TNRC6A: variants seen among roughly 807,000 people sequenced by gnomAD.
The protein encoded by TNRC6A is trinucleotide repeat containing adaptor 6A, also known as trinucleotide repeat-containing gene 6A protein.
A neutral mutation model predicts 221.2 loss-of-function variants in TNRC6A; 44 were observed. The observed-to-expected ratio is 0.20, with a 90% CI of 0.16 to 0.26. The LOEUF is 0.26. Ranked by LOEUF, TNRC6A falls within the 10% of genes least tolerant of loss-of-function variation. The probability of loss-of-function intolerance (pLI) is 1.00; values close to 1 mark genes in which losing one functional copy is unlikely to be tolerated. For synonymous variants in TNRC6A, 847 were observed against 838.5 expected (o/e 1.01, Z -0.18); for missense variants, 2,199 against 2,404.4 (o/e 0.91, Z 1.79).
Position 24,700,732 on chromosome 16 carries a change from C to T in TNRC6A, n.403-49994C>T, listed in dbSNP as rs185609068. Among the ~76,000 whole-genome samples the T allele has an allele frequency of 1.7e-3, 261 of 152,274 alleles. 2 individuals are homozygous for T. In the Middle Eastern group the frequency reaches 0.027, roughly 16 times the overall value. ...TCTGGCTGTCTTAGCCAGTGAGATG[C>T]TGTCCTTAGGCAATAGCCTACCTAT... On this transcript the variant is annotated intron_variant and non_coding_transcript_variant, in intron 2 of 2. Transcript: ENST00000566108.
At chr16:24,679,530 G>T (rs974094467) in intron 2 of TNRC6A, among the ~76,000 whole-genome samples, 1 of 151,694 alleles carries the variant, frequency 6.6e-6, no homozygotes, top group Non-Finnish European at 1.5e-5. Context: ...AGGCTGGAGT[G>T]CAGTGGTGTG....
chr16:24,624,931 T>C (rs1341782386), intron 1 of TNRC6A, among the ~76,000 whole-genome samples: 1 of 152,202 alleles, frequency 6.6e-6, no homozygotes, highest in Non-Finnish European at 1.5e-5. Flanking sequence ...AAACTGTTTT[T>C]CCACCCCAGA....
chr16:24,657,336 A>C (rs60759583), intron 2 of TNRC6A, among the ~76,000 whole-genome samples: 2 of 148,092 alleles, frequency 1.4e-5, no homozygotes, highest in African/African-American at 2.5e-5. Context: ...AAAAAAAAAA[A>C]AAAAAACAAA....
rs1446337347 is a variant in TNRC6A, at chr16:24,823,673, T to G, written c.5755T>G (p.Trp1919Gly). ...TGGAGACCTTCACGGCACTTCACTC[T>G]GGGGGACCCCGCATTATTCCACAAG... ...NCGDLHGTSL[W>G]GTPHYSTSLW... The change falls in exon 25 of 25, where the codon TGG (tryptophan) becomes GGG (glycine). Residue 1919 changes from tryptophan (W) to glycine (G), a missense_variant. By Grantham distance (184) the Trp-to-Gly change is radical. Around this residue, in one of 8 missense-constraint regions of TNRC6A, gnomAD observed 130 missense variants for 121.7 expected, o/e 1.07. Coordinates refer to ENST00000395799, the MANE Select transcript of TNRC6A (RefSeq NM_014494.4). The surrounding 1 kb of genome is among the most constrained non-coding windows in gnomAD (Gnocchi z 4.3). 1.2e-6 allele frequency: 2 copies of G among 1,611,244 alleles called. No individual in the cohort carries two copies. Among genetic ancestry groups the G allele is most frequent in the South Asian group, 2.2e-5 (2 of 90,738 alleles).
chr16:24,675,740 A>G, intron 2 of TNRC6A, among the ~76,000 whole-genome samples: 1 of 111,936 alleles, frequency 8.9e-6, no homozygotes. Flanking sequence ...ATATATATAT[A>G]TGCACACAAC....
Position 24,823,291 on chromosome 16 carries a change from C to A in TNRC6A, c.5514-141C>A. 1 of 1,100,220 alleles carries A rather than the reference C, an allele frequency of 9.1e-7. No homozygotes were observed. The highest frequency in any genetic ancestry group is 1.3e-6 in the Non-Finnish European group (1 of 778,956). The allele number at this position is 1,100,220 out of a possible 1,614,324, so 68.2% of individuals were successfully genotyped here. On this transcript the variant is annotated intron_variant, in intron 24 of 24. Transcript: ENST00000395799. This position sits in a 1 kb window ranked among gnomAD's most constrained non-coding sequence, Gnocchi z 4.3. ...GGTGCACACTCGGGTGAAGGGAGGG[C>A]ACGCAGGTTATGTGGTGTAGTCTCT...
rs778962031 is a variant in TNRC6A, at chr16:24,822,863, CTG to C, written c.5374-9_5374-8del. 5.0e-6 allele frequency: 8 copies of C among 1,612,826 alleles called. No individual in the cohort carries two copies. In the African/African-American group the frequency reaches 6.7e-5, roughly 13 times the overall value. ...ACGCCTCTCACTGGCAGTTTCCACACTGTTTCCTAGATCGATGGCTCAACTCT... is the reference window on the plus strand; with the variant it reads ...ACGCCTCTCACTGGCAGTTTCCACACTTTCCTAGATCGATGGCTCAACTCT... On this transcript the variant is annotated splice_polypyrimidine_tract_variant and intron_variant, in intron 23 of 24. Transcript: ENST00000395799.
chr16:24,636,544 A>C (rs1368360157), intron 1 of TNRC6A, among the ~76,000 whole-genome samples: 1 of 151,956 alleles, frequency 6.6e-6, no homozygotes, highest in Non-Finnish European at 1.5e-5. Context: ...TTTATTTTTT[A>C]ACTTTTTTTT....
At chr16:24,635,719 T>C (rs13336995) in intron 1 of TNRC6A, among the ~76,000 whole-genome samples, 67,143 of 152,064 alleles carry the variant, frequency 0.44, 15,119 homozygotes, top group Middle Eastern at 0.54. Flanking sequence ...TTATTATTTC[T>C]GAGAGTTTTT....
Position 24,793,493 on chromosome 16 carries a change from G to A in TNRC6A, c.3196G>A (p.Glu1066Lys). ...TAAAGGCTGGGGTGAGCCCTGGGGG[G>A]AGCCTTCTACTCCAGCCACAACTGT... ...SGSGWGEPWG[E>K]PSTPATTVDN... Residue 1066 changes from glutamate (E) to lysine (K), a missense_variant, in exon 7 of 25, where the codon GAG (glutamate) becomes AAG (lysine). Physicochemically the swap from Glu to Lys is moderately conservative, Grantham distance 56. Transcript: ENST00000395799. 2 of 1,502,992 alleles carry A rather than the reference G, an allele frequency of 1.3e-6. No individual in the cohort carries two copies. The highest frequency in any genetic ancestry group is 1.8e-6 in the Non-Finnish European group (2 of 1,120,018). 93.1% of individuals were successfully genotyped at this position (1,502,992 alleles called of 1,614,324 possible). A position where few individuals can be genotyped will look rare whatever the true frequency, so the allele number is the denominator to read the frequency against.
chr16:24,753,784 A>G (rs1364326693), intron 3 of TNRC6A, among the ~76,000 whole-genome samples: 2 of 152,204 alleles, frequency 1.3e-5, no homozygotes, highest in Non-Finnish European at 2.9e-5. Flanking sequence ...ATTTTATGTA[A>G]TTTATATTTT....
chr16:24,807,109 G>A (rs542719582), intron 17 of TNRC6A, among the ~76,000 whole-genome samples: 7 of 151,644 alleles, frequency 4.6e-5, no homozygotes, highest in Middle Eastern at 3.4e-3. Flanking sequence ...GGGTTCAAGC[G>A]ATTCTCGCAC....
intron 1 of TNRC6A, among the ~76,000 whole-genome samples, chr16:24,626,104 C>A (rs1020580014): frequency 6.6e-6 from 1 of 151,496 alleles, no homozygotes; most frequent in South Asian, 2.1e-4. Context: ...AGTAAGAATG[C>A]CCTGGTAGTG....
chr16:24,675,525 C>CA (rs543895598), intron 2 of TNRC6A, among the ~76,000 whole-genome samples: 13 of 151,124 alleles, frequency 8.6e-5, no homozygotes, highest in African/African-American at 2.9e-4. Context: ...ACTATAAATA[C>CA]AAAAAATTAG....
chr16:24,720,733 A>T (rs1358600818), intron 2 of TNRC6A, among the ~76,000 whole-genome samples: 2 of 150,308 alleles, frequency 1.3e-5, no homozygotes, highest in Non-Finnish European at 3.0e-5. Flanking sequence ...AAAAAAGAAA[A>T]AAGAAAAAGA....
upstream of TNRC6A, among the ~76,000 whole-genome samples, chr16:24,727,890 T>G (rs547771745): frequency 2.0e-5 from 3 of 152,250 alleles, no homozygotes; most frequent in African/African-American, 7.2e-5. Context: ...TAGCATTTAT[T>G]CGGTGCCCAC....
At position 24,655,037 on chromosome 16, in the gene TNRC6A, G is replaced by T. The variant is rs1263787197; in HGVS notation, n.402+14028G>T. 4.6e-5 allele frequency among the ~76,000 whole-genome samples: 7 copies of T among 152,246 alleles called. No homozygotes were observed. The South Asian group carries it at 8.3e-4, about 18-fold the overall frequency. ...GTGGGTGGATCACTTGAGCCCAGGAGTTCAAGACTAGCCCGGGCAACATGA... is the reference window on the plus strand; with the variant it reads ...GTGGGTGGATCACTTGAGCCCAGGATTTCAAGACTAGCCCGGGCAACATGA... On this transcript the variant is annotated intron_variant and non_coding_transcript_variant, in intron 2 of 2. Coordinates refer to the TNRC6A transcript ENST00000566108.
chr16:24,628,600 T>G (rs549021004), intron 1 of TNRC6A, among the ~76,000 whole-genome samples: 1 of 152,262 alleles, frequency 6.6e-6, no homozygotes, highest in South Asian at 2.1e-4. Context: ...GATGAACCAC[T>G]TCTACTTAAT....
At chr16:24,709,005 C>G (rs549309461) in intron 2 of TNRC6A, among the ~76,000 whole-genome samples, 6 of 152,212 alleles carry the variant, frequency 3.9e-5, no homozygotes, top group Admixed American at 3.9e-4. Context: ...GCCTGTAATC[C>G]CAGCACTTTG....
Sources: gnomAD v4.1 joint callset for allele counts (sites outside exome capture counted in the v4.1 genomes callset) on GRCh38, gnomAD v4.1.1 for gene constraint, gnomAD v4.1.1 regional missense constraint, Gnocchi (gnomAD v3.1) non-coding constraint, MANE v1.5 for transcripts, NCBI Gene and HGNC (gene_info 2026-07-23, HGNC 2026-07-21) for gene names.